ANKMY1: variants seen among roughly 807,000 people sequenced by gnomAD.
ANKMY1 encodes the protein ankyrin repeat and MYND domain containing 1, also known as ankyrin repeat and MYND domain-containing protein 1.
In ANKMY1, 98 loss-of-function variants were observed where a neutral mutation model predicts 102.0. The ratio of observed to expected loss-of-function variants is 0.96; its 90% CI spans 0.82 to 1.14. The LOEUF (loss-of-function observed/expected upper bound fraction) is 1.14. Ranked by LOEUF, ANKMY1 falls within the 50% of genes most tolerant of loss-of-function variation. The pLI is 0.00. For synonymous variants in ANKMY1, 582 were observed against 559.9 expected (o/e 1.04, Z -0.56); for missense variants, 1,330 against 1,347.6 (o/e 0.99, Z 0.20).
chr2:240,469,182 C>T, the ANKMY1 span, among the ~76,000 whole-genome samples: 2 of 152,242 alleles, frequency 1.3e-5, no homozygotes, highest in Non-Finnish European at 2.9e-5. Flanking sequence ...TTCAAGACTT[C>T]CACAAGCCCT....
chr2:240,503,364 G>A (rs2078540147), intron 13 of ANKMY1, among the ~76,000 whole-genome samples: 1 of 152,208 alleles, frequency 6.6e-6, no homozygotes, highest in African/African-American at 2.4e-5. Context: ...AGGTCCCCTG[G>A]CTGATGAAAG....
chr2:240,521,337 G>A (rs2082212490), intron 8 of ANKMY1, among the ~76,000 whole-genome samples: 1 of 152,114 alleles, frequency 6.6e-6, no homozygotes, highest in Admixed American at 6.5e-5. Flanking sequence ...GGAAGCCCAG[G>A]GAGCTGCGTT....
chr2:240,483,833 CT>C (rs2151860570), intron 15 of ANKMY1, among the ~76,000 whole-genome samples: 1 of 152,320 alleles, frequency 6.6e-6, no homozygotes, highest in African/African-American at 2.4e-5. Flanking sequence ...TATTCCTCCC[CT>C]AGCCCCCCAC....
intron 16 of ANKMY1, among the ~76,000 whole-genome samples, chr2:240,481,391 C>T (rs1054617786): frequency 6.6e-6 from 1 of 152,184 alleles, no homozygotes; most frequent in Non-Finnish European, 1.5e-5. Flanking sequence ...TTCAGGAGAC[C>T]GCCGTGGGGC....
At chr2:240,469,259 T>C in the ANKMY1 span, among the ~76,000 whole-genome samples, 1 of 152,198 alleles carries the variant, frequency 6.6e-6, no homozygotes, top group Admixed American at 6.5e-5. Flanking sequence ...GTGCACTCTG[T>C]GCAGAGCCGA....
chr2:240,538,199 C>T (rs2087403901), intron 4 of ANKMY1, among the ~76,000 whole-genome samples: 1 of 152,264 alleles, frequency 6.6e-6, no homozygotes, highest in South Asian at 2.1e-4. Flanking sequence ...GGCCTTTCAG[C>T]CTGCTGCTGC....
At chr2:240,555,230 C>T (rs746104658) in intron 2 of ANKMY1, 175 bp from the exon 3 acceptor site, 4 of 669,716 alleles carry the variant, frequency 6.0e-6, no homozygotes, top group South Asian at 5.6e-5. Flanking sequence ...GAGGGTGCAG[C>T]GATTGCCCAA....
intron 15 of ANKMY1, among the ~76,000 whole-genome samples, chr2:240,485,155 C>T (rs753359541): frequency 1.3e-5 from 2 of 151,948 alleles, no homozygotes; most frequent in African/African-American, 2.4e-5. Flanking sequence ...AGTGAAACCC[C>T]GTCTCTACTA....
chr2:240,499,118 G>A lies in ANKMY1; in HGVS notation c.2806+840C>T, dbSNP rs1436276165. Among the ~76,000 whole-genome samples, 1 of 152,142 alleles carries A rather than the reference G, an allele frequency of 6.6e-6. No individual in the cohort carries two copies. Among genetic ancestry groups the A allele is most frequent in the African/African-American group, 2.4e-5 (1 of 41,428 alleles). ...AAGGCACCTGGGGTGTTGCTCAGTG[G>A]GGGACTGTGTGAGGCTGCAGGAGGC... On this transcript the variant is annotated intron_variant, in intron 15 of 17. Coordinates refer to ENST00000401804, the MANE Select transcript of ANKMY1 (RefSeq NM_001282771.3). This position sits in a 1 kb window ranked among gnomAD's most constrained non-coding sequence, Gnocchi z 4.2.
chr2:240,520,886 G>A lies in ANKMY1; in HGVS notation c.1833-353C>T, dbSNP rs1238956162. On this transcript the variant is annotated intron_variant, in intron 8 of 17. Coordinates refer to ENST00000401804, the MANE Select transcript of ANKMY1 (RefSeq NM_001282771.3). This position sits in a 1 kb window ranked among gnomAD's most constrained non-coding sequence, Gnocchi z 4.8. ...AGCGCACACCACACAGTACGCACACGGCACACCACACACCAGAGCACACAA... is the reference window on the plus strand; with the variant it reads ...AGCGCACACCACACAGTACGCACACAGCACACCACACACCAGAGCACACAA... Among the ~76,000 whole-genome samples, 1 of 149,658 alleles carries A rather than the reference G, an allele frequency of 6.7e-6. No homozygotes were observed. Among genetic ancestry groups the A allele is most frequent in the African/African-American group, 2.5e-5 (1 of 40,484 alleles).
intron 15 of ANKMY1, among the ~76,000 whole-genome samples, chr2:240,487,463 T>G (rs995536927): frequency 6.6e-6 from 1 of 152,236 alleles, no homozygotes; most frequent in African/African-American, 2.4e-5. Flanking sequence ...AGATACTCCT[T>G]TGATATACTG....
intron 11 of ANKMY1, among the ~76,000 whole-genome samples, chr2:240,511,406 G>C (rs747318782): frequency 2.0e-5 from 3 of 152,202 alleles, no homozygotes; most frequent in Non-Finnish European, 4.4e-5. Context: ...GGGCATCCTC[G>C]GAGTGGTTCC....
chr2:240,483,820 T>G (rs942740561), intron 15 of ANKMY1, among the ~76,000 whole-genome samples: 1 of 152,214 alleles, frequency 6.6e-6, no homozygotes, highest in African/African-American at 2.4e-5. Context: ...TTTCTTCTAA[T>G]GCTATTCCTC....
chr2:240,484,640 T>C (rs2075830863), intron 15 of ANKMY1, among the ~76,000 whole-genome samples: 1 of 152,184 alleles, frequency 6.6e-6, no homozygotes, highest in Non-Finnish European at 1.5e-5. Flanking sequence ...GACATAGGCA[T>C]AGGCAAAGAC....
In ANKMY1 at chr2:240,509,419, C is replaced by T. The variant is rs377459989; in HGVS notation, c.2323G>A (p.Gly775Arg). ...CTCCACAGCAGGTTAGGATTTGCTC[C>T]GTGGGATAGAAGGAGCCGGACTATG... The part of the protein sequence containing the change: ...RDIVRLLLSH[G>R]ANPNLLWSGH... The change falls in exon 12 of 18, where the codon GGA (glycine) becomes AGA (arginine). Residue 775 changes from glycine (G) to arginine (R), a missense_variant. Coordinates refer to ENST00000401804, the MANE Select transcript of ANKMY1 (RefSeq NM_001282771.3). 21 of 1,613,502 alleles carry T rather than the reference C, an allele frequency of 1.3e-5. No homozygotes were observed. The South Asian group carries it at 1.4e-4, about 11-fold the overall frequency.
At position 240,534,962 on chromosome 2, in the gene ANKMY1, G is replaced by A. The variant is rs143066265; in HGVS notation, c.481-5453C>T. On this transcript the variant is annotated intron_variant, in intron 4 of 17. Coordinates refer to ENST00000401804, the MANE Select transcript of ANKMY1 (RefSeq NM_001282771.3). ...TACAAAAATAAAATTATCAGGGTGT[G>A]ATGGTGCATGCCTATGGTCCCAGCT... 9.5e-3 allele frequency among the ~76,000 whole-genome samples: 1,453 copies of A among 152,362 alleles called. 9 individuals carry two copies. The highest frequency in any genetic ancestry group is 0.034 in the Middle Eastern group (10 of 294).
At chr2:240,511,747 G>C in intron 11 of ANKMY1, 114 bp downstream of exon 11, 1 of 1,338,324 alleles carries the variant, frequency 7.5e-7, no homozygotes, top group Non-Finnish European at 9.8e-7. Context: ...CAAGCTCCCT[G>C]GCTTCTGCCT....
intron 12 of ANKMY1, among the ~76,000 whole-genome samples, chr2:240,508,854 G>A (rs2079565688): frequency 6.6e-6 from 1 of 152,160 alleles, no homozygotes; most frequent in Admixed American, 6.5e-5. Context: ...GGGTGGGTGG[G>A]TGGATGGATG....
intron 15 of ANKMY1, among the ~76,000 whole-genome samples, chr2:240,494,541 A>G (rs190051943): frequency 1.6e-4 from 25 of 152,284 alleles, no homozygotes; most frequent in African/African-American, 5.5e-4. Context: ...CAGCAGTGAC[A>G]GCTTGAGTTT....
Sources: gnomAD v4.1 joint callset for allele counts (sites outside exome capture counted in the v4.1 genomes callset) on GRCh38, gnomAD v4.1.1 for gene constraint, Gnocchi (gnomAD v3.1) non-coding constraint, MANE v1.5 for transcripts, NCBI Gene and HGNC (gene_info 2026-07-23, HGNC 2026-07-21) for gene names.